The following ZNF519 variants were observed in gnomAD, a reference collection of about 807,000 sequenced individuals.
ZNF519 encodes the protein zinc finger protein 519, also known as similar to Zinc finger protein 85 (Zinc finger protein HPF4) (HTF1).
ZNF519 carries 7 observed loss-of-function variants against 7.4 expected under a neutral mutation model. The observed-to-expected ratio is 0.94, with a 90% CI of 0.54 to 1.77. ZNF519 has a LOEUF of 1.77. ZNF519 is among the 40% of genes most tolerant of loss of function. The pLI, the probability that ZNF519 is intolerant of heterozygous loss-of-function variation, is 0.00. For synonymous variants in ZNF519, 179 were observed against 203.3 expected (o/e 0.88, Z 1.02); for missense variants, 586 against 623.1 (o/e 0.94, Z 0.63).
At chr18:14,128,015 C>T (rs559533114) in intron 1 of ZNF519, among the ~76,000 whole-genome samples, 105 of 151,934 alleles carry the variant, frequency 6.9e-4, no homozygotes, top group African/African-American at 2.3e-3. Flanking sequence ...ACCAGCCGGG[C>T]GCGGTGGCTT....
At chr18:14,095,285 G>A (rs1280367438), downstream of ZNF519, among the ~76,000 whole-genome samples, 1 of 152,210 alleles carries the variant, frequency 6.6e-6, no homozygotes. Flanking sequence ...GAGTCACTGT[G>A]TGACTCTGCC....
intron 4 of ZNF519, among the ~76,000 whole-genome samples, chr18:14,077,747 C>CA (rs150231488): frequency 0.018 from 2,688 of 152,226 alleles, 83 homozygotes; most frequent in African/African-American, 0.062. Context: ...GGACTGACCA[C>CA]AAGGCAGTGT....
chr18:14,128,133 C>CAA (rs374217542), intron 1 of ZNF519, among the ~76,000 whole-genome samples: 16 of 148,820 alleles, frequency 1.1e-4, no homozygotes, highest in African/African-American at 3.9e-4. Context: ...ACTAAAAATA[C>CAA]AAAAAAAAAA....
chr18:14,095,964 G>A (rs927381305), downstream of ZNF519, among the ~76,000 whole-genome samples: 2 of 152,216 alleles, frequency 1.3e-5, no homozygotes, highest in Admixed American at 1.3e-4. Context: ...GGGTTCACTC[G>A]TGGCCTAAGG....
At position 14,085,621 on chromosome 18, in the gene ZNF519, CAG is replaced by C. The variant is rs148783775; in HGVS notation, c.131-547_131-546del. ...GAGGCATTGAAGAAGGTAGGAAGGACAGAGTCTCACTGCTCACCTCAGCGCTT... is the reference window on the plus strand; with the variant it reads ...GAGGCATTGAAGAAGGTAGGAAGGACAGTCTCACTGCTCACCTCAGCGCTT... On this transcript the variant is annotated intron_variant and NMD_transcript_variant, in intron 2 of 4. Coordinates refer to the ZNF519 transcript ENST00000587419. 7.7e-3 allele frequency among the ~76,000 whole-genome samples: 1,173 copies of C among 152,248 alleles called. 17 individuals are homozygous for C. Among genetic ancestry groups the C allele is most frequent in the African/African-American group, 0.026 (1,070 of 41,522 alleles).
chr18:14,072,750 A>G (rs1329107563), downstream of ZNF519: 1 of 152,180 alleles, frequency 6.6e-6, no homozygotes, highest in East Asian at 1.9e-4. Flanking sequence ...TAGTGTAAGA[A>G]AAACAGTGGT....
chr18:14,112,302 A>G (rs1030836758), intron 2 of ZNF519, among the ~76,000 whole-genome samples: 1 of 152,136 alleles, frequency 6.6e-6, no homozygotes, highest in African/African-American at 2.4e-5. Context: ...TCAAAACTAT[A>G]GAAGAAACAT....
chr18:14,072,394 A>C (rs2046031436), downstream of ZNF519: 1 of 152,224 alleles, frequency 6.6e-6, no homozygotes. Context: ...TGAGGGAAGA[A>C]CAGGCTATCC....
intron 2 of ZNF519, among the ~76,000 whole-genome samples, chr18:14,118,208 G>A (rs1347384239): frequency 2.0e-5 from 3 of 151,838 alleles, no homozygotes; most frequent in African/African-American, 4.8e-5. Context: ...ACAGGTGCCC[G>A]CCACCACGCC....
intron 2 of ZNF519, among the ~76,000 whole-genome samples, chr18:14,114,918 T>G: frequency 6.6e-6 from 1 of 152,124 alleles, no homozygotes; most frequent in East Asian, 1.9e-4. Context: ...TAGATATATA[T>G]AGCTACTACT....
At chr18:14,107,149 C>T (rs2046197509) in intron 2 of ZNF519, among the ~76,000 whole-genome samples, 2 of 152,132 alleles carry the variant, frequency 1.3e-5, no homozygotes, top group African/African-American at 4.8e-5. Flanking sequence ...TACACCACCC[C>T]TCCTCCAAAC....
chr18:14,074,198 A>T (rs1473682679), downstream of ZNF519: 1 of 152,230 alleles, frequency 6.6e-6, no homozygotes, highest in Non-Finnish European at 1.5e-5. Context: ...GTCCTATCAC[A>T]CAGGCATGAC....
chr18:14,094,360 T>C (rs1302590982), intron 2 of ZNF519, among the ~76,000 whole-genome samples: 2 of 152,218 alleles, frequency 1.3e-5, no homozygotes, highest in African/African-American at 4.8e-5. Flanking sequence ...CCCTGCCTTG[T>C]TCCAGATCTT....
downstream of ZNF519, among the ~76,000 whole-genome samples, chr18:14,095,673 G>C (rs149672068): frequency 4.5e-3 from 686 of 152,326 alleles, 5 homozygotes; most frequent in African/African-American, 0.015. Context: ...CATTGGCCTG[G>C]GGTCACGAAC....
chr18:14,104,908 G>A lies in ZNF519; in HGVS notation c.*9C>T. ...GGGTTTTAGCACATTCTTTACACTT[G>A]CAGGGTTTCTACCTGGTATGAATTA... is the stretch of plus-strand genomic sequence containing the variant. On this transcript the variant is annotated 3_prime_UTR_variant, in exon 3 of 3. Transcript: ENST00000590202. 1 of 1,523,404 alleles carries A rather than the reference G, an allele frequency of 6.6e-7. No individual in the cohort carries two copies. The highest frequency in any genetic ancestry group is 2.3e-5 in the East Asian group (1 of 44,268). 94.4% of individuals were successfully genotyped at this position (1,523,404 alleles called of 1,614,324 possible).
chr18:14,123,645 G>A (rs1382242972), intron 2 of ZNF519, among the ~76,000 whole-genome samples: 1 of 152,148 alleles, frequency 6.6e-6, no homozygotes, highest in Admixed American at 6.5e-5. Context: ...GAACCCAGAA[G>A]GCAGAGGTTG....
exon 5 of ZNF519, chr18:14,076,046 G>C (rs1413877649): frequency 6.6e-6 from 1 of 151,934 alleles, no homozygotes; most frequent in African/African-American, 2.4e-5. Context: ...GGGGAACTTA[G>C]GTGTAGAAAG....
chr18:14,083,903 T>C (rs1309724469), intron 3 of ZNF519, among the ~76,000 whole-genome samples: 3 of 152,182 alleles, frequency 2.0e-5, no homozygotes, highest in Non-Finnish European at 4.4e-5. Context: ...ATGCATCCGA[T>C]GTGTCCCCTA....
intron 2 of ZNF519, among the ~76,000 whole-genome samples, chr18:14,092,780 G>T (rs2046119671): frequency 6.6e-6 from 1 of 152,168 alleles, no homozygotes; most frequent in Non-Finnish European, 1.5e-5. Flanking sequence ...GCTCCCCTAA[G>T]CCCTCTTGTC....
Sources: allele counts gnomAD v4.1 joint callset (sites outside exome capture counted in the v4.1 genomes callset), GRCh38; gene constraint gnomAD v4.1.1; transcripts MANE v1.5; gene names NCBI Gene and HGNC (gene_info 2026-07-23, HGNC 2026-07-21).